PAG1: variants seen among roughly 807,000 people sequenced by gnomAD.
PAG1 encodes the protein phosphoprotein associated with glycosphingolipid-enriched microdomains 1.
Under a neutral mutation model 31.7 loss-of-function variants are expected in PAG1, and 23 were observed. The observed-to-expected ratio is 0.73, with a 90% CI of 0.52 to 1.03. The LOEUF is 1.03. Among genes scored for constraint, PAG1 ranks in the 50% least tolerant of loss-of-function variants. PAG1 has a pLI of 0.00. For missense variants in PAG1, 473 were observed against 540.7 expected, an observed-to-expected ratio of 0.87 and a Z score of 1.24; for synonymous variants, 214 against 210.3, an observed-to-expected ratio of 1.02 and a Z score of -0.15.
intron 1 of PAG1, among the ~76,000 whole-genome samples, chr8:81,088,629 G>A (rs1428733952): frequency 6.6e-6 from 1 of 152,112 alleles, no homozygotes; most frequent in Non-Finnish European, 1.5e-5. Flanking sequence ...AAAGTACTAA[G>A]TCACAAAAAA....
At chr8:81,075,403 AGT>A (rs1385488458) in intron 1 of PAG1, among the ~76,000 whole-genome samples, 1 of 152,248 alleles carries the variant, frequency 6.6e-6, no homozygotes. Context: ...TAATAAAATG[AGT>A]GTGACATTTT....
rs1364296866 is a variant in PAG1 at position 80,975,348 on chromosome 8, G to A, written c.*1196C>T. 5 of 152,146 alleles carry A rather than the reference G, an allele frequency of 3.3e-5. No individual in the cohort carries two copies. The highest frequency in any genetic ancestry group is 3.3e-4 in the Admixed American group (5 of 15,280). The allele number at this position is 152,146 out of a possible 1,614,324, so 9.4% of individuals were successfully genotyped here. On this transcript the variant is annotated 3_prime_UTR_variant, in exon 9 of 9. Transcript: ENST00000220597. ...GATAACAGCTCCTTGTAGTGATCTA[G>A]CTTATGTGCTTTATGGTATCTTTTC...
chr8:81,066,799 T>C (rs1411266546), intron 2 of PAG1, among the ~76,000 whole-genome samples: 2 of 152,300 alleles, frequency 1.3e-5, no homozygotes, highest in African/African-American at 4.8e-5. Context: ...TCTGTGAATC[T>C]AGACTGTGAA....
At chr8:81,000,909 T>C (rs760292401) in intron 3 of PAG1, among the ~76,000 whole-genome samples, 1 of 152,200 alleles carries the variant, frequency 6.6e-6, no homozygotes, top group Admixed American at 6.5e-5. Flanking sequence ...TCCCCAAGCT[T>C]AGTGTTCTTC....
chr8:81,030,672 C>G (rs1266454665), intron 2 of PAG1, among the ~76,000 whole-genome samples: 2 of 152,198 alleles, frequency 1.3e-5, no homozygotes, highest in African/African-American at 4.8e-5. Context: ...AAAAGAGAGG[C>G]TACATGGGCG....
In PAG1 at chr8:80,968,719, T is replaced by A. The variant is rs958417931; in HGVS notation, c.*7825A>T. ...TTCTAGTCACCTACTCAATTATAGC[T>A]CTAGTAGCCATATTATATTATCTAC... On this transcript the variant is annotated 3_prime_UTR_variant, in exon 9 of 9. Coordinates refer to ENST00000220597, the MANE Select transcript of PAG1 (RefSeq NM_018440.4). 1 of 152,204 alleles carries A rather than the reference T, an allele frequency of 6.6e-6. No individual in the cohort carries two copies. Among genetic ancestry groups the A allele is most frequent in the African/African-American group, 2.4e-5 (1 of 41,456 alleles). 9.4% of individuals were successfully genotyped at this position (152,204 alleles called of 1,614,324 possible). A position where few individuals can be genotyped will look rare whatever the true frequency, so the allele number is the denominator to read the frequency against.
At chr8:81,058,458 G>C (rs868088960) in intron 2 of PAG1, 4 of 152,248 alleles carry the variant, frequency 2.6e-5, no homozygotes, top group African/African-American at 9.6e-5. Flanking sequence ...ATTGATTTGG[G>C]GGTCCTTTTA....
At position 81,003,505 on chromosome 8, in the gene PAG1, G is replaced by C. The variant is rs75606617; in HGVS notation, c.-80-10198C>G. 3.6e-3 allele frequency among the ~76,000 whole-genome samples: 548 copies of C among 152,228 alleles called. 6 individuals are homozygous for C. Among genetic ancestry groups the C allele is most frequent in the African/African-American group, 0.012 (515 of 41,508 alleles). The stretch of plus-strand genomic sequence containing the variant: ...TCCCTTAAAGGAACTTGAATATAAG[G>C]CAGCTCTTTCCCACTCCAGAGTCTG... On this transcript the variant is annotated intron_variant, in intron 3 of 8. Transcript: ENST00000220597.
At chr8:81,027,653 C>A (rs1808305141) in intron 3 of PAG1, among the ~76,000 whole-genome samples, 1 of 152,094 alleles carries the variant, frequency 6.6e-6, no homozygotes, top group Non-Finnish European at 1.5e-5. Context: ...TGCCTGTAAT[C>A]CCAGCACTTT....
At chr8:80,980,880 G>T (rs376214852) in intron 7 of PAG1, among the ~76,000 whole-genome samples, 1 of 152,066 alleles carries the variant, frequency 6.6e-6, no homozygotes, top group Non-Finnish European at 1.5e-5. Context: ...GTTTGCTGGC[G>T]TCATCAGAAA....
At position 81,010,554 on chromosome 8, in the gene PAG1, G is replaced by A. The variant is rs7815596; in HGVS notation, c.-80-17247C>T. On this transcript the variant is annotated intron_variant, in intron 3 of 8. Coordinates refer to ENST00000220597, the MANE Select transcript of PAG1 (RefSeq NM_018440.4). Reference sequence around the variant, plus strand: ...GGGTAACATACCACTGTTTTTAAGCGTATGTCAAAGCTGATCCAAAATACA... The same window carrying A: ...GGGTAACATACCACTGTTTTTAAGCATATGTCAAAGCTGATCCAAAATACA... Among the ~76,000 whole-genome samples, 1,501 of 152,224 alleles carry A rather than the reference G, an allele frequency of 9.9e-3. 34 individuals carry two copies. Among genetic ancestry groups the A allele is most frequent in the African/African-American group, 0.034 (1,422 of 41,518 alleles).
chr8:81,057,714 A>T (rs1808850770), intron 2 of PAG1, among the ~76,000 whole-genome samples: 1 of 152,228 alleles, frequency 6.6e-6, no homozygotes. Flanking sequence ...TTAAAGTATA[A>T]TAAAAAAAAT....
intron 3 of PAG1, among the ~76,000 whole-genome samples, chr8:81,026,424 C>T (rs998469621): frequency 4.0e-5 from 6 of 148,914 alleles, no homozygotes; most frequent in African/African-American, 1.5e-4. Context: ...GACCGATAAA[C>T]ATTTTCTTTC....
chr8:80,975,127 T>C lies in PAG1; in HGVS notation c.*1417A>G, dbSNP rs1459094861. 6.6e-6 allele frequency: 1 copy of C among 152,256 alleles called. No homozygotes were observed. Among genetic ancestry groups the C allele is most frequent in the Admixed American group, 6.5e-5 (1 of 15,288 alleles). The allele number at this position is 152,256 out of a possible 1,614,324, so 9.4% of individuals were successfully genotyped here. On this transcript the variant is annotated 3_prime_UTR_variant, in exon 9 of 9. Coordinates refer to ENST00000220597, the MANE Select transcript of PAG1 (RefSeq NM_018440.4). ...TAATTCACAGCCACCTCTCATCATATTTTGTTCTTCTTTCCATTTTTACCA... is the reference window on the plus strand; with the variant it reads ...TAATTCACAGCCACCTCTCATCATACTTTGTTCTTCTTTCCATTTTTACCA...
At chr8:81,018,107 C>G (rs1018904552) in intron 3 of PAG1, among the ~76,000 whole-genome samples, 5 of 152,108 alleles carry the variant, frequency 3.3e-5, no homozygotes, top group African/African-American at 1.2e-4. Flanking sequence ...ATAATTAACT[C>G]GACAAGCATA....
chr8:81,097,845 A>T (rs1048105878), intron 1 of PAG1, among the ~76,000 whole-genome samples: 4 of 152,086 alleles, frequency 2.6e-5, no homozygotes, highest in Non-Finnish European at 5.9e-5. Context: ...CTCTTTGAAA[A>T]CTTAGTACTG....
intron 3 of PAG1, among the ~76,000 whole-genome samples, chr8:81,005,476 G>A (rs919591325): frequency 6.6e-6 from 1 of 152,198 alleles, no homozygotes; most frequent in Non-Finnish European, 1.5e-5. Flanking sequence ...GTGGAACTCA[G>A]TGATCAGAAT....
At chr8:81,071,664 A>G (rs567662785) in intron 1 of PAG1, among the ~76,000 whole-genome samples, 1 of 152,190 alleles carries the variant, frequency 6.6e-6, no homozygotes, top group Non-Finnish European at 1.5e-5. Context: ...ACACTTACTG[A>G]TAAATCTCTG....
At chr8:81,051,927 G>A (rs1563643745) in intron 2 of PAG1, among the ~76,000 whole-genome samples, 2 of 151,916 alleles carry the variant, frequency 1.3e-5, no homozygotes, top group Admixed American at 6.6e-5. Context: ...TCAGGAGATC[G>A]AGACCGTCCT....
Sources: allele counts gnomAD v4.1 joint callset (sites outside exome capture counted in the v4.1 genomes callset), GRCh38; gene constraint gnomAD v4.1.1; transcripts MANE v1.5; gene names NCBI Gene and HGNC (gene_info 2026-07-23, HGNC 2026-07-21).